ROBO1: variants seen among roughly 807,000 people sequenced by gnomAD.
ROBO1 encodes the protein roundabout guidance receptor 1.
ROBO1 carries 149 observed loss-of-function variants against 195.9 expected under a neutral mutation model. That is an observed-to-expected ratio of 0.76 (90% CI 0.67 to 0.87). ROBO1 has a LOEUF of 0.87. Ranked by LOEUF, ROBO1 falls within the 40% of genes least tolerant of loss-of-function variation. ROBO1 has a pLI of 0.00. For synonymous variants in ROBO1, 816 were observed against 733.2 expected (o/e 1.11, Z -1.82); for missense variants, 1,933 against 2,068.3 (o/e 0.93, Z 1.27).
chr3:79,328,642 T>C (rs2034312805), intron 2 of ROBO1, among the ~76,000 whole-genome samples: 2 of 152,132 alleles, frequency 1.3e-5, no homozygotes, highest in African/African-American at 4.8e-5. Flanking sequence ...AAAATTTCAA[T>C]AGTTTTGGGG....
rs1411463227 is a variant in ROBO1 at position 79,647,983 on chromosome 3, C to CT, written c.-50-58023dup. Among the ~76,000 whole-genome samples, 5 of 152,074 alleles carry CT rather than the reference C, an allele frequency of 3.3e-5. No homozygotes were observed. In the East Asian group the frequency reaches 9.7e-4, roughly 29 times the overall value. On this transcript the variant is annotated intron_variant, in intron 1 of 30. Coordinates refer to ENST00000464233, the MANE Select transcript of ROBO1 (RefSeq NM_002941.4). ...GACGTTTTTGTGACCAAAAATATGC[C>CT]TTAGGAACTTAACTCTTGTTTTTAA...
At chr3:79,664,037 T>C (rs1410884770) in intron 1 of ROBO1, among the ~76,000 whole-genome samples, 3 of 152,104 alleles carry the variant, frequency 2.0e-5, no homozygotes, top group African/African-American at 7.2e-5. Flanking sequence ...GAATTACTTT[T>C]CTGTGTCTAC....
chr3:79,084,251 C>A (rs2079326476), intron 3 of ROBO1, among the ~76,000 whole-genome samples: 1 of 152,154 alleles, frequency 6.6e-6, no homozygotes, highest in African/African-American at 2.4e-5. Context: ...GTAATCCCAG[C>A]ACTTCGGGAG....
At chr3:78,609,536 CT>C (rs1402467904) in intron 28 of ROBO1, among the ~76,000 whole-genome samples, 1 of 152,156 alleles carries the variant, frequency 6.6e-6, no homozygotes, top group Non-Finnish European at 1.5e-5. Context: ...ATGGATTGCG[CT>C]TTTTTCACCT....
intron 3 of ROBO1, among the ~76,000 whole-genome samples, chr3:78,982,602 C>T (rs1163452340): frequency 6.6e-6 from 1 of 152,086 alleles, no homozygotes; most frequent in Non-Finnish European, 1.5e-5. Context: ...AAGTAAGCCC[C>T]ATAGCTGCCT....
At chr3:79,597,365 A>T (rs555867475) in intron 1 of ROBO1, among the ~76,000 whole-genome samples, 2 of 152,050 alleles carry the variant, frequency 1.3e-5, no homozygotes, top group African/African-American at 4.8e-5. Context: ...AACTGGACAA[A>T]TTACTACCAA....
chr3:79,078,799 C>A (rs2108455605), intron 3 of ROBO1, among the ~76,000 whole-genome samples: 1 of 151,792 alleles, frequency 6.6e-6, no homozygotes, highest in Middle Eastern at 3.4e-3. Flanking sequence ...ATTATCTTAC[C>A]AAAGGGAACC....
chr3:79,677,407 G>C (rs930262772), intron 1 of ROBO1, among the ~76,000 whole-genome samples: 1 of 151,950 alleles, frequency 6.6e-6, no homozygotes, highest in African/African-American at 2.4e-5. Context: ...CACAATCATG[G>C]TGGAAGGCAA....
At chr3:79,670,956 A>G (rs1161388418) in intron 1 of ROBO1, among the ~76,000 whole-genome samples, 1 of 151,846 alleles carries the variant, frequency 6.6e-6, no homozygotes, top group African/African-American at 2.4e-5. Flanking sequence ...CTTAGTATTG[A>G]CAGCCAACTC....
At chr3:79,345,160 A>G (rs2035062985) in intron 2 of ROBO1, among the ~76,000 whole-genome samples, 1 of 152,192 alleles carries the variant, frequency 6.6e-6, no homozygotes, top group African/African-American at 2.4e-5. Context: ...AGAAATGTTT[A>G]CTTATTCTTT....
chr3:78,654,879 T>C (rs527646349), intron 18 of ROBO1, among the ~76,000 whole-genome samples: 1 of 152,324 alleles, frequency 6.6e-6, no homozygotes, highest in South Asian at 2.1e-4. Flanking sequence ...CAACAATATA[T>C]AGAGTCATCA....
At chr3:78,967,509 G>A (rs2076673454) in intron 3 of ROBO1, among the ~76,000 whole-genome samples, 1 of 152,072 alleles carries the variant, frequency 6.6e-6, no homozygotes, top group Non-Finnish European at 1.5e-5. Context: ...CTCCAAGAGA[G>A]AAAGAAACTG....
intron 2 of ROBO1, among the ~76,000 whole-genome samples, chr3:79,210,985 T>C (rs2081957521): frequency 6.6e-6 from 1 of 152,228 alleles, no homozygotes; most frequent in African/African-American, 2.4e-5. Context: ...AACTATAAAA[T>C]AGGCATATAA....
chr3:79,561,194 G>T (rs1942907212), intron 2 of ROBO1, among the ~76,000 whole-genome samples: 1 of 152,120 alleles, frequency 6.6e-6, no homozygotes, highest in Non-Finnish European at 1.5e-5. Context: ...TTAAAGAGAA[G>T]TTAACCATGA....
At chr3:78,995,092 A>G (rs1393480556) in intron 3 of ROBO1, among the ~76,000 whole-genome samples, 1 of 152,180 alleles carries the variant, frequency 6.6e-6, no homozygotes, top group Non-Finnish European at 1.5e-5. Flanking sequence ...TACTTTTAAT[A>G]CTGACAAAAA....
At chr3:79,490,582 G>C (rs1559936641) in intron 2 of ROBO1, among the ~76,000 whole-genome samples, 2 of 152,190 alleles carry the variant, frequency 1.3e-5, no homozygotes, top group African/African-American at 4.8e-5. Context: ...GAAGAGTTCG[G>C]CTTCTAGTTA....
intron 14 of ROBO1, among the ~76,000 whole-genome samples, chr3:78,667,065 T>C (rs1707780167): frequency 1.3e-5 from 2 of 152,136 alleles, no homozygotes; most frequent in Admixed American, 1.3e-4. Context: ...TCCAGATATC[T>C]CTCATATTTA....
intron 25 of ROBO1, among the ~76,000 whole-genome samples, chr3:78,629,823 C>T (rs1203694064): frequency 6.6e-6 from 1 of 152,114 alleles, no homozygotes; most frequent in Non-Finnish European, 1.5e-5. Context: ...CACAAAGAGG[C>T]CAAAAATTTG....
chr3:79,260,650 A>G (rs773329349), intron 2 of ROBO1, among the ~76,000 whole-genome samples: 6 of 152,134 alleles, frequency 3.9e-5, no homozygotes, highest in Non-Finnish European at 7.4e-5. Flanking sequence ...AAGTCTCACA[A>G]CATTGAATCA....
Sources: allele counts gnomAD v4.1 joint callset (sites outside exome capture counted in the v4.1 genomes callset), GRCh38; gene constraint gnomAD v4.1.1; transcripts MANE v1.5; gene names NCBI Gene and HGNC (gene_info 2026-07-23, HGNC 2026-07-21).